Variants in FLI1 observed in about 807,000 individuals in gnomAD.
FLI1 encodes Friend leukemia integration 1 transcription factor.
A neutral mutation model predicts 53.1 loss-of-function variants in FLI1; 13 were observed. The observed-to-expected ratio is 0.24, with a 90% CI of 0.16 to 0.39. The LOEUF is 0.39. Ranked by LOEUF, FLI1 falls within the 10% of genes least tolerant of loss-of-function variation. FLI1 has a pLI of 1.00. For missense variants in FLI1, 424 were observed against 600.5 expected, an observed-to-expected ratio of 0.71 and a Z score of 3.07; for synonymous variants, 244 against 236.7, an observed-to-expected ratio of 1.03 and a Z score of -0.28.
chr11:128,687,866 CTGAG>C (rs1301330460), intron 1 of FLI1, among the ~76,000 whole-genome samples: 1 of 152,164 alleles, frequency 6.6e-6, no homozygotes, highest in Non-Finnish European at 1.5e-5. Context: ...TTGACAATGC[CTGAG>C]TGAGTGAATG....
chr11:128,770,358 G>A (rs1425609244), intron 3 of FLI1, among the ~76,000 whole-genome samples: 1 of 152,216 alleles, frequency 6.6e-6, no homozygotes, highest in Admixed American at 6.5e-5. Context: ...CTTCCTCCAG[G>A]CCAGGCTGTG....
chr11:128,766,715 C>G (rs1038616672), intron 2 of FLI1, among the ~76,000 whole-genome samples: 4 of 151,830 alleles, frequency 2.6e-5, no homozygotes, highest in African/African-American at 9.7e-5. Context: ...CTGGTACGGC[C>G]CTGCTCCTCA....
intron 5 of FLI1, among the ~76,000 whole-genome samples, chr11:128,790,724 G>C (rs1297105200): frequency 6.6e-6 from 1 of 152,198 alleles, no homozygotes; most frequent in Non-Finnish European, 1.5e-5. Context: ...CCTTATTAGA[G>C]GTGGGCCTAT....
rs567634241 is a variant in FLI1 at position 128,715,575 on chromosome 11, G to A, written c.18+21299G>A. Among the ~76,000 whole-genome samples, 101 of 152,144 alleles carry A rather than the reference G, an allele frequency of 6.6e-4. No homozygotes were observed. In the South Asian group the frequency reaches 0.016, roughly 24 times the overall value. ...TTGTAAGGGTCATTTTATTATCTCC[G>A]TATCCCCCATCCCACCTCATTTAGT... On this transcript the variant is annotated intron_variant, in intron 1 of 8. Transcript: ENST00000527786.
upstream of FLI1, among the ~76,000 whole-genome samples, chr11:128,690,423 A>G (rs1937690538): frequency 6.6e-6 from 1 of 152,074 alleles, no homozygotes; most frequent in Non-Finnish European, 1.5e-5. Context: ...CCCAGGGACC[A>G]GGCTCAGATC....
rs1941419743 is a variant in FLI1, at chr11:128,768,243, C to T, written c.356C>T (p.Thr119Ile). 2 of 1,613,956 alleles carry T rather than the reference C, an allele frequency of 1.2e-6. No individual in the cohort carries two copies. Among genetic ancestry groups the T allele is most frequent in the Non-Finnish European group, 1.7e-6 (2 of 1,179,892 alleles). The change falls in exon 3 of 9, where the codon ACC becomes ATC. Residue 119 changes from threonine to isoleucine, a missense_variant. Coordinates refer to ENST00000527786, the MANE Select transcript of FLI1 (RefSeq NM_002017.5). ...GGCCCCCCTCCTCCCAACATGACCA[C>T]CAACGAGAGGAGAGTCATCGTCCCC... ...KNGPPPPNMT[T>I]NERRVIVPAD... is the part of the protein sequence containing the mutation.
At position 128,810,988 on chromosome 11, in the gene FLI1, G is replaced by C; in HGVS notation, c.1359G>C (p.Ter453TyrextTer10). ...HVPSHLGSYY* is the reference protein window; with the variant it reads ...HVPSHLGSYYY ...CTTCACACTTAGGCAGCTACTACTAGAAGCTTACTCATCAGTGGCCTTCTA... is the reference window on the plus strand; with the variant it reads ...CTTCACACTTAGGCAGCTACTACTACAAGCTTACTCATCAGTGGCCTTCTA... The change falls in exon 9 of 9, where the codon TAG becomes TAC. Residue 453 changes from the stop codon to tyrosine (Y), a stop_lost. Transcript: ENST00000527786. This position sits in a 1 kb window ranked among gnomAD's most constrained non-coding sequence, Gnocchi z 6.6. The C allele has an allele frequency of 6.2e-7, 1 of 1,613,970 alleles. No homozygotes were observed. Among genetic ancestry groups the C allele is most frequent in the Non-Finnish European group, 8.5e-7 (1 of 1,179,860 alleles).
chr11:128,757,041 ATTTTTTCTTTCT>A (rs1940893790), intron 1 of FLI1, among the ~76,000 whole-genome samples: 3 of 123,298 alleles, frequency 2.4e-5, no homozygotes, highest in African/African-American at 9.3e-5. Flanking sequence ...TATCTAGCTA[ATTTTTTCTTTCT>A]TTCTTTCTTT....
At chr11:128,769,504 C>T (rs926559370) in intron 3 of FLI1, among the ~76,000 whole-genome samples, 6 of 152,104 alleles carry the variant, frequency 3.9e-5, no homozygotes, top group African/African-American at 4.8e-5. Context: ...TGCCTTGGCC[C>T]GTGGTGTTTG....
chr11:128,722,792 G>A (rs766587409), intron 1 of FLI1, among the ~76,000 whole-genome samples: 18 of 152,296 alleles, frequency 1.2e-4, no homozygotes, highest in Non-Finnish European at 1.6e-4. Flanking sequence ...AAAGCCGTGC[G>A]GAAACACCTC....
At chr11:128,767,395 A>G (rs1366821101) in intron 2 of FLI1, among the ~76,000 whole-genome samples, 1 of 152,228 alleles carries the variant, frequency 6.6e-6, no homozygotes. Context: ...AGCTTAACAC[A>G]GAAGACCTGA....
intron 1 of FLI1, among the ~76,000 whole-genome samples, chr11:128,747,478 C>T (rs1940447686): frequency 6.6e-6 from 1 of 152,226 alleles, no homozygotes; most frequent in African/African-American, 2.4e-5. Flanking sequence ...TTTTTATCAT[C>T]CCACCTTTGC....
intron 1 of FLI1, among the ~76,000 whole-genome samples, chr11:128,738,431 T>C (rs570348524): frequency 6.6e-6 from 1 of 152,362 alleles, no homozygotes; most frequent in Admixed American, 6.5e-5. Context: ...CCTGACTTCA[T>C]CCACTACCGC....
At chr11:128,760,520 C>CTTATTTTT (rs1565486162) in intron 2 of FLI1, among the ~76,000 whole-genome samples, 2 of 103,572 alleles carry the variant, frequency 1.9e-5, no homozygotes, top group Admixed American at 9.6e-5. Context: ...GTGGAGATTC[C>CTTATTTTT]TTTTTTTTTT....
In FLI1 at chr11:128,694,123, C is replaced by A; in HGVS notation, c.-136C>A. ...CGTGCACAGGGGAGTGAGGGCAGGG[C>A]GCTCGCAGGGGGCACGCAGGGAGGG... On this transcript the variant is annotated 5_prime_UTR_variant, in exon 1 of 9. Coordinates refer to ENST00000527786, the MANE Select transcript of FLI1 (RefSeq NM_002017.5). 2 of 809,350 alleles carry A rather than the reference C, an allele frequency of 2.5e-6. No individual in the cohort carries two copies. The highest frequency in any genetic ancestry group is 3.9e-5 in the Admixed American group (1 of 25,630). 50.1% of individuals were successfully genotyped at this position (809,350 alleles called of 1,614,324 possible).
At chr11:128,790,287 GAGAGAGAGAC>G (rs1414076576) in intron 5 of FLI1, among the ~76,000 whole-genome samples, 1 of 148,892 alleles carries the variant, frequency 6.7e-6, no homozygotes, top group Non-Finnish European at 1.5e-5. Context: ...GAGATTAAGA[GAGAGAGAGAC>G]AGAGAGAGAG....
chr11:128,764,923 G>C, intron 2 of FLI1: 1 of 1,268,586 alleles, frequency 7.9e-7, no homozygotes, highest in South Asian at 1.3e-5. Context: ...AAGGACACCC[G>C]CCTGCAGGTC....
intron 2 of FLI1, among the ~76,000 whole-genome samples, chr11:128,766,207 G>A (rs1269834148): frequency 6.6e-6 from 1 of 152,178 alleles, no homozygotes; most frequent in East Asian, 1.9e-4. Flanking sequence ...GTCTGACTGG[G>A]ACTGCTTCAT....
At chr11:128,776,757 A>C (rs1020362345) in intron 4 of FLI1, among the ~76,000 whole-genome samples, 1 of 152,212 alleles carries the variant, frequency 6.6e-6, no homozygotes, top group Non-Finnish European at 1.5e-5. Context: ...AAAGGCATCC[A>C]GCCGATTGAG....
Sources: gnomAD v4.1 joint callset for allele counts (sites outside exome capture counted in the v4.1 genomes callset) on GRCh38, gnomAD v4.1.1 for gene constraint, Gnocchi (gnomAD v3.1) non-coding constraint, MANE v1.5 for transcripts, NCBI Gene and HGNC (gene_info 2026-07-23, HGNC 2026-07-21) for gene names.